Variants in NOX5 observed in about 807,000 individuals in gnomAD.
The protein encoded by NOX5 is NADPH oxidase, EF-hand calcium binding domain 5.
Under a neutral mutation model 85.7 loss-of-function variants are expected in NOX5, and 76 were observed. That is an observed-to-expected ratio of 0.89 (90% CI 0.74 to 1.07). NOX5 has a LOEUF of 1.07. Ranked by LOEUF, NOX5 falls within the 50% of genes least tolerant of loss-of-function variation. The pLI is 0.00. For missense variants in NOX5, 973 were observed against 999.5 expected (o/e 0.97, Z 0.36); for synonymous variants, 405 against 401.4 (o/e 1.01, Z -0.11).
chr15:69,035,552 G>C, intron 6 of NOX5, 45 bp downstream of exon 6: 2 of 1,605,408 alleles, frequency 1.2e-6, no homozygotes, highest in Non-Finnish European at 1.7e-6. Context: ...AGCTTGAGCA[G>C]CCTCAAGCCC....
intron 14 of NOX5, among the ~76,000 whole-genome samples, chr15:69,052,955 C>T (rs866984753): frequency 1.3e-5 from 2 of 152,076 alleles, no homozygotes; most frequent in South Asian, 4.1e-4. Flanking sequence ...TTGCTGTTTG[C>T]TTCTTCCTAA....
intron 14 of NOX5, among the ~76,000 whole-genome samples, chr15:69,050,408 C>T (rs974266736): frequency 3.9e-5 from 6 of 152,056 alleles, no homozygotes; most frequent in African/African-American, 1.4e-4. Context: ...GTGAGAAACT[C>T]TTTTGGCTTT....
At position 69,047,394 on chromosome 15, in the gene NOX5, G is replaced by A. The variant is rs1398745676; in HGVS notation, c.1693-19G>A. The A allele has an allele frequency of 2.5e-6, 4 of 1,576,950 alleles. No individual in the cohort carries two copies. The South Asian group carries it at 4.7e-5, about 19-fold the overall frequency. Reference sequence around the variant, plus strand: ...GCGTCACCCCCCATCTCTCTTCTCTGATGCCCTCTTGTGCACAGTGCTACA... The same window carrying A: ...GCGTCACCCCCCATCTCTCTTCTCTAATGCCCTCTTGTGCACAGTGCTACA... On this transcript the variant is annotated intron_variant, in intron 11 of 15. Transcript: ENST00000388866.
rs934607980 is a variant in NOX5 at position 69,055,395 on chromosome 15, C to T, written c.2061C>T (p.Ala687=). ...CACTGGGCAAGAATGACATGAAGGC[C>T]ATTGGCCTGCAGATGGCCCTTGACC... ...TSALGKNDMK[A]IGLQMALDLL... Residue 687 remains alanine (A), a synonymous_variant, in exon 15 of 16, where the codon GCC becomes GCT. Transcript: ENST00000388866. The T allele has an allele frequency of 6.2e-7, 1 of 1,614,096 alleles. No individual in the cohort carries two copies. Among genetic ancestry groups the T allele is most frequent in the African/African-American group, 1.3e-5 (1 of 74,934 alleles).
rs1216833595 is a variant in NOX5 at position 69,037,224 on chromosome 15, G to T, written c.1371+14G>T. The T allele has an allele frequency of 6.2e-7, 1 of 1,608,164 alleles. No homozygotes were observed. The highest frequency in any genetic ancestry group is 1.1e-5 in the South Asian group (1 of 90,496). ...CTCCCCTCCAAGGTACAAAGGTGGG[G>T]GATGGGGAGGTGCTTTTCCAACTCA... is the stretch of plus-strand genomic sequence containing the variant. On this transcript the variant is annotated intron_variant, in intron 8 of 15. Coordinates refer to ENST00000388866, the MANE Select transcript of NOX5 (RefSeq NM_024505.4).
chr15:69,029,804 C>G (rs777907578), intron 3 of NOX5: 1 of 152,078 alleles, frequency 6.6e-6, no homozygotes, highest in Admixed American at 6.5e-5. Flanking sequence ...CTCAGTCTCC[C>G]GAGTAGCTGG....
chr15:69,017,850 GA>G (rs2050249776), intron 1 of NOX5, among the ~76,000 whole-genome samples: 1 of 151,914 alleles, frequency 6.6e-6, no homozygotes, highest in African/African-American at 2.4e-5. Flanking sequence ...TGCCTATAAA[GA>G]GGTCAAACAG....
chr15:69,038,755 T>G, intron 8 of NOX5, 102 bp from the exon 9 acceptor site: 4 of 1,521,666 alleles, frequency 2.6e-6, no homozygotes, highest in Non-Finnish European at 2.7e-6. Context: ...GCATGCCTGT[T>G]TTATGGAGGA....
At chr15:69,033,848 C>T (rs2050477211) in intron 5 of NOX5, among the ~76,000 whole-genome samples, 1 of 152,012 alleles carries the variant, frequency 6.6e-6, no homozygotes, top group Non-Finnish European at 1.5e-5. Context: ...CAACCGCCAC[C>T]ATGCCCAGCT....
intron 14 of NOX5, among the ~76,000 whole-genome samples, chr15:69,053,021 C>T (rs1049755325): frequency 3.9e-5 from 6 of 152,300 alleles, no homozygotes; most frequent in African/African-American, 1.4e-4. Flanking sequence ...CAAAGCCACT[C>T]GAGTCAACAA....
In NOX5 at chr15:69,060,037, T is replaced by TG. The variant is rs1428765365; in HGVS notation, c.*3342dup. 1 of 152,266 alleles carries TG rather than the reference T, an allele frequency of 6.6e-6. No individual in the cohort carries two copies. Among genetic ancestry groups the TG allele is most frequent in the East Asian group, 1.9e-4 (1 of 5,196 alleles). The allele number at this position is 152,266 out of a possible 1,614,324, so 9.4% of individuals were successfully genotyped here. A position where few individuals can be genotyped will look rare whatever the true frequency, so the allele number is the denominator to read the frequency against. ...TTACAAAGAGTCTTTTGCACCTAAT[T>TG]GTCACTTGTAATTTGGGGAACAAAA... On this transcript the variant is annotated 3_prime_UTR_variant, in exon 16 of 16. Transcript: ENST00000388866.
chr15:69,028,034 G>A (rs1050671889), intron 2 of NOX5, among the ~76,000 whole-genome samples, 181 bp from the exon 3 acceptor site: 9 of 152,144 alleles, frequency 5.9e-5, no homozygotes, highest in Non-Finnish European at 1.3e-4. Context: ...GCAGGGATCG[G>A]AACAGGTCTT....
At chr15:69,039,089 C>G (rs965608702) in intron 9 of NOX5, 100 bp downstream of exon 9, 1 of 1,343,156 alleles carries the variant, frequency 7.4e-7, no homozygotes, top group African/African-American at 1.5e-5. Context: ...TGAACAAGGC[C>G]AGAAACACAA....
Position 69,054,727 on chromosome 15 carries a change from C to T in NOX5, c.2000-607C>T, listed in dbSNP as rs561534485. 4.6e-5 allele frequency among the ~76,000 whole-genome samples: 7 copies of T among 152,338 alleles called. No individual in the cohort carries two copies. The East Asian group carries it at 1.3e-3, about 29-fold the overall frequency. ...GGAAGCAGCTCTGTCTGCATCAGCCCTTCCCTGCATATCAGTAGCCTTCAC... is the reference window on the plus strand; with the variant it reads ...GGAAGCAGCTCTGTCTGCATCAGCCTTTCCCTGCATATCAGTAGCCTTCAC... On this transcript the variant is annotated intron_variant, in intron 14 of 15. Transcript: ENST00000388866.
In NOX5 at chr15:69,056,714, C is replaced by G. The variant is rs754357957; in HGVS notation, c.*18C>G. On this transcript the variant is annotated 3_prime_UTR_variant, in exon 16 of 16. Transcript: ENST00000388866. The stretch of plus-strand genomic sequence containing the variant: ...ATTTCTAGCCTCACCTCTCCAAGCT[C>G]TGCCCCAAGTCCACACCATGGGTCT... 5 of 1,612,660 alleles carry G rather than the reference C, an allele frequency of 3.1e-6. No homozygotes were observed. The highest frequency in any genetic ancestry group is 4.2e-6 in the Non-Finnish European group (5 of 1,179,664).
intron 14 of NOX5, 134 bp downstream of exon 14, chr15:69,049,192 CTTTTTT>C: frequency 4.5e-5 from 13 of 292,060 alleles, no homozygotes; most frequent in South Asian, 1.7e-4. Flanking sequence ...AACCCAGAGT[CTTTTTT>C]TTTTTTTTTT....
rs767122447 is a variant in NOX5 at position 69,035,924 on chromosome 15, T to C, written c.1176T>C (p.Ser392=). The part of the protein sequence containing the change: ...FICSSSCIRR[S]GHFEVFYWTH... ...GCTCCAGTTCCTGCATCCGCAGGAG[T>C]GGCCACTTTGAGGTGCCCCAGTTGC... Residue 392 remains serine, a synonymous_variant, in exon 7 of 16, where the codon AGT becomes AGC. Coordinates refer to ENST00000388866, the MANE Select transcript of NOX5 (RefSeq NM_024505.4). 1 of 1,613,988 alleles carries C rather than the reference T, an allele frequency of 6.2e-7. No homozygotes were observed. The highest frequency in any genetic ancestry group is 8.5e-7 in the Non-Finnish European group (1 of 1,179,912).
At chr15:69,035,277 T>C (rs1036785079) in intron 5 of NOX5, 77 bp from the exon 6 acceptor site, 23 of 1,492,312 alleles carry the variant, frequency 1.5e-5, no homozygotes, top group Non-Finnish European at 1.0e-5. Flanking sequence ...CTCAGGAGGA[T>C]GCAGGGAGGT....
intron 1 of NOX5, among the ~76,000 whole-genome samples, chr15:69,017,773 TATAC>T (rs1178953798): frequency 2.7e-5 from 4 of 148,282 alleles, no homozygotes; most frequent in Admixed American, 2.7e-4. Context: ...TGATATATTT[TATAC>T]ACACACACAC....
Sources: allele counts gnomAD v4.1 joint callset (sites outside exome capture counted in the v4.1 genomes callset), GRCh38; gene constraint gnomAD v4.1.1; transcripts MANE v1.5; gene names NCBI Gene and HGNC (gene_info 2026-07-23, HGNC 2026-07-21).